SPOCD1: variants seen among roughly 807,000 people sequenced by gnomAD.
SPOCD1 encodes SPOC domain-containing protein 1.
In SPOCD1, 64 loss-of-function variants were observed where a neutral mutation model predicts 92.2. That is an observed-to-expected ratio of 0.69 (90% confidence interval 0.57 to 0.86). The LOEUF is 0.86. Among genes scored for constraint, SPOCD1 ranks in the 40% least tolerant of loss-of-function variants. SPOCD1 has a pLI of 0.00. For synonymous variants in SPOCD1, 578 were observed against 619.3 expected (o/e 0.93, Z 0.99); for missense variants, 1,360 against 1,543.1 (o/e 0.88, Z 1.99).
chr1:31,803,553 C>T (rs1648599848), intron 2 of SPOCD1, among the ~76,000 whole-genome samples: 2 of 144,994 alleles, frequency 1.4e-5, no homozygotes, highest in Admixed American at 1.4e-4. Flanking sequence ...GGAAACATAG[C>T]GAGACCCTGT....
In SPOCD1 at chr1:31,798,915, G is replaced by C. The variant is rs1648225856; in HGVS notation, c.1869-314C>G. ...AGCCTGTGCCCCGTCTCTGGCTCACGGGATGTGTGGAGGGGAGGAAGCCGG... is the reference window on the plus strand; with the variant it reads ...AGCCTGTGCCCCGTCTCTGGCTCACCGGATGTGTGGAGGGGAGGAAGCCGG... On this transcript the variant is annotated intron_variant, in intron 7 of 15. Transcript: ENST00000360482. The surrounding 1 kb of genome is among the most constrained non-coding windows in gnomAD (Gnocchi z 4.1). 3 of 565,036 alleles carry C rather than the reference G, an allele frequency of 5.3e-6. No homozygotes were observed. The highest frequency in any genetic ancestry group is 9.4e-6 in the Non-Finnish European group (3 of 320,502). The allele number at this position is 565,036 out of a possible 1,614,324, so 35.0% of individuals were successfully genotyped here. A position where few individuals can be genotyped will look rare whatever the true frequency, so the allele number is the denominator to read the frequency against.
At chr1:31,802,460 T>A (rs752361195) in intron 2 of SPOCD1, among the ~76,000 whole-genome samples, 13 of 152,198 alleles carry the variant, frequency 8.5e-5, no homozygotes, top group Non-Finnish European at 1.3e-4. Context: ...AGAACCTAGC[T>A]CTGTCTGACT....
rs200958049 is a variant in SPOCD1, at chr1:31,793,930, G to C, written c.2384-33C>G. On this transcript the variant is annotated intron_variant, in intron 11 of 15. Transcript: ENST00000360482. ...TAGCAGAGGCAGGAGCTGAAACAGG[G>C]GCAGCAGCAGCGCTGAAGCCAGCCC... 45 of 1,594,616 alleles carry C rather than the reference G, an allele frequency of 2.8e-5. No individual in the cohort carries two copies. In the East Asian group the frequency reaches 9.2e-4, roughly 33 times the overall value.
Position 31,815,370 on chromosome 1 carries a change from G to A in SPOCD1, c.-37C>T. 1 of 1,505,524 alleles carries A rather than the reference G, an allele frequency of 6.6e-7. No individual in the cohort carries two copies. The highest frequency in any genetic ancestry group is 1.4e-5 in the South Asian group (1 of 72,140). The allele number at this position is 1,505,524 out of a possible 1,614,324, so 93.3% of individuals were successfully genotyped here. A position where few individuals can be genotyped will look rare whatever the true frequency, so the allele number is the denominator to read the frequency against. ...TACCTGGGCCAAAAGCACAACACGGGCCCTGTGTGGAGACAGAAAGAGGAG... is the reference window on the plus strand; with the variant it reads ...TACCTGGGCCAAAAGCACAACACGGACCCTGTGTGGAGACAGAAAGAGGAG... On this transcript the variant is annotated splice_region_variant and 5_prime_UTR_variant, in exon 2 of 16. Transcript: ENST00000360482.
At chr1:31,799,541 G>T in intron 6 of SPOCD1, 56 bp from the exon 7 acceptor site, 2 of 1,474,258 alleles carry the variant, frequency 1.4e-6, no homozygotes, top group Non-Finnish European at 1.9e-6. Context: ...AGGGGAGGGG[G>T]CTGACTCAAG....
At chr1:31,813,746 A>T (rs1356759164) in intron 2 of SPOCD1, among the ~76,000 whole-genome samples, 1 of 152,194 alleles carries the variant, frequency 6.6e-6, no homozygotes, top group African/African-American at 2.4e-5. Context: ...CCAAAAGATA[A>T]TGACCCCTCA....
rs777606034 is a variant in SPOCD1 at position 31,801,687 on chromosome 1, G to A, written c.1402C>T (p.His468Tyr). ...ACGTAGCACACAAGCTTCACTCCATGGGGTATTTTCACTTCCTCCTTGGAG... is the reference window on the plus strand; with the variant it reads ...ACGTAGCACACAAGCTTCACTCCATAGGGTATTTTCACTTCCTCCTTGGAG... Reference protein sequence around the residue: ...CPRLEEVKIPHGVKLVCYLGS... With the variant: ...CPRLEEVKIPYGVKLVCYLGS... Residue 468 changes from histidine to tyrosine, a missense_variant, in exon 3 of 16, where the codon CAT becomes TAT. His to Tyr is a moderately conservative substitution (Grantham distance 83). Coordinates refer to ENST00000360482, the MANE Select transcript of SPOCD1 (RefSeq NM_144569.7). The A allele has an allele frequency of 2.5e-6, 4 of 1,613,806 alleles. No individual in the cohort carries two copies. The South Asian group carries it at 4.4e-5, about 18-fold the overall frequency.
chr1:31,801,589 G>A (rs946322185), intron 3 of SPOCD1, 75 bp downstream of exon 3: 5 of 1,385,548 alleles, frequency 3.6e-6, no homozygotes, highest in Admixed American at 3.4e-5. Context: ...CACATCTACT[G>A]TGGAGGAGCC....
In SPOCD1 at chr1:31,791,060, G is replaced by A. The variant is rs368156891; in HGVS notation, c.3194C>T (p.Pro1065Leu). 2.7e-5 allele frequency: 44 copies of A among 1,612,854 alleles called. No individual in the cohort carries two copies. Among genetic ancestry groups the A allele is most frequent in the Non-Finnish European group, 3.6e-5 (43 of 1,179,922 alleles). The stretch of plus-strand genomic sequence containing the variant: ...CTGGCTCTGCTGCCAGGCACCTCCT[G>A]GGGGAGGGGTGCCCTTCAGGGGCAC... ...PNVPLKGTPP[P>L]GGAWQQSQGR... Residue 1065 changes from proline to leucine, a missense_variant, in exon 16 of 16, where the codon CCA becomes CTA. This residue lies in a region of SPOCD1 where 614 missense variants were observed against 757.8 expected (regional missense o/e 0.81). Coordinates refer to ENST00000360482, the MANE Select transcript of SPOCD1 (RefSeq NM_144569.7).
chr1:31,799,795 C>A lies in SPOCD1; in HGVS notation c.1783+14G>T. 1 of 1,613,674 alleles carries A rather than the reference C, an allele frequency of 6.2e-7. No individual in the cohort carries two copies. ...TCTCTGGAAGCAGAAGAGGCTCCCTCCAGGGCCCTTCACCTGAGTCCTCTG... is the reference window on the plus strand; with the variant it reads ...TCTCTGGAAGCAGAAGAGGCTCCCTACAGGGCCCTTCACCTGAGTCCTCTG... On this transcript the variant is annotated intron_variant, in intron 6 of 15. Transcript: ENST00000360482.
chr1:31,801,947 C>T (rs990148797), intron 2 of SPOCD1, among the ~76,000 whole-genome samples: 3 of 152,170 alleles, frequency 2.0e-5, no homozygotes, highest in Non-Finnish European at 4.4e-5. Context: ...GCGGGTGGAT[C>T]ACCTGAGATC....
intron 2 of SPOCD1, among the ~76,000 whole-genome samples, chr1:31,810,759 T>C (rs1347099989): frequency 1.3e-5 from 2 of 152,178 alleles, no homozygotes; most frequent in Non-Finnish European, 2.9e-5. Flanking sequence ...TGCTCTTCTG[T>C]TAGGAAGACA....
At chr1:31,810,930 A>C (rs76583934) in intron 2 of SPOCD1, among the ~76,000 whole-genome samples, 7,057 of 152,034 alleles carry the variant, frequency 0.046, 244 homozygotes, top group Admixed American at 0.098. Flanking sequence ...ACACACACAC[A>C]CCCACTGCTA....
At chr1:31,796,526 G>C (rs774371382) in intron 10 of SPOCD1, 64 bp downstream of exon 10, 1 of 1,613,502 alleles carries the variant, frequency 6.2e-7, no homozygotes, top group Non-Finnish European at 8.5e-7. Context: ...CACTGCTGGT[G>C]AGGCGAGGCG....
Position 31,790,803 on chromosome 1 carries a change from G to C in SPOCD1, c.3451C>G (p.Arg1151Gly), listed in dbSNP as rs373495211. 32 of 1,543,994 alleles carry C rather than the reference G, an allele frequency of 2.1e-5. No individual in the cohort carries two copies. The Admixed American group carries it at 6.2e-4, about 30-fold the overall frequency. Reference protein sequence around the residue: ...RDSCPHQALLRHLESLATMSH... With the variant: ...RDSCPHQALLGHLESLATMSH... ...ATGGTCGCCAGGGATTCGAGGTGCCGGAGCAGGGCTTGGTGGGGACAGGAG... is the reference window on the plus strand; with the variant it reads ...ATGGTCGCCAGGGATTCGAGGTGCCCGAGCAGGGCTTGGTGGGGACAGGAG... The change falls in exon 16 of 16, where the codon CGG becomes GGG. Residue 1151 changes from arginine to glycine, a missense_variant. Arg to Gly is a moderately radical substitution (Grantham distance 125). Transcript: ENST00000360482.
Position 31,798,282 on chromosome 1 carries a change from G to A in SPOCD1, c.2070C>T (p.Tyr690=), listed in dbSNP as rs144387561. 1,337 of 1,613,874 alleles carry A rather than the reference G, an allele frequency of 8.3e-4. No individual in the cohort carries two copies. The highest frequency in any genetic ancestry group is 1.1e-3 in the Non-Finnish European group (1,262 of 1,180,002). The change falls in exon 9 of 16, where the codon TAC becomes TAT. Residue 690 remains tyrosine (Y), a synonymous_variant. Transcript: ENST00000360482. This position sits in a 1 kb window ranked among gnomAD's most constrained non-coding sequence, Gnocchi z 4.1. ...GCATCGAGCTCATCCGCACCAGGTC[G>A]TAGGGGGTGACATCTCCATGAACCA... ...LKVVHGDVTP[Y]DLVRMSSMQL...
At chr1:31,807,833 A>G (rs8179509) in intron 2 of SPOCD1, among the ~76,000 whole-genome samples, 46,967 of 152,090 alleles carry the variant, frequency 0.31, 8,782 homozygotes, top group East Asian at 0.42. Context: ...GTCCTTAAAG[A>G]TAAGAGGCTA....
intron 2 of SPOCD1, among the ~76,000 whole-genome samples, 170 bp downstream of exon 2, chr1:31,813,780 AT>A (rs1297955472): frequency 8.5e-5 from 13 of 152,138 alleles, no homozygotes; most frequent in Non-Finnish European, 1.2e-4. Context: ...AATGTAGTTT[AT>A]TTTCTCTTTC....
chr1:31,813,741 AGAT>A (rs748916599), intron 2 of SPOCD1, among the ~76,000 whole-genome samples: 1 of 152,204 alleles, frequency 6.6e-6, no homozygotes, highest in East Asian at 1.9e-4. Context: ...TGACTCCAAA[AGAT>A]AATGACCCCT....
Sources: allele counts gnomAD v4.1 joint callset (sites outside exome capture counted in the v4.1 genomes callset), GRCh38; gene constraint gnomAD v4.1.1; regional missense constraint gnomAD v4.1.1; non-coding constraint Gnocchi (gnomAD v3.1); transcripts MANE v1.5; gene names NCBI Gene and HGNC (gene_info 2026-07-23, HGNC 2026-07-21).